The following EIF4G3 variants were observed in gnomAD, a reference collection of about 807,000 sequenced individuals.
EIF4G3 encodes the protein eIF-4-gamma 3.
Under a neutral mutation model 186.4 loss-of-function variants are expected in EIF4G3, and 34 were observed. The observed-to-expected ratio is 0.18, with a 90% confidence interval of 0.14 to 0.24. EIF4G3 has a LOEUF of 0.24. EIF4G3 is among the 10% of genes least tolerant of loss of function. The probability of loss-of-function intolerance (pLI) is 1.00; values close to 1 mark genes in which losing one functional copy is unlikely to be tolerated. For missense variants in EIF4G3, 1,536 were observed against 1,948.5 expected, an observed-to-expected ratio of 0.79 and a Z score of 3.99; for synonymous variants, 673 against 679.5, an observed-to-expected ratio of 0.99 and a Z score of 0.15.
chr1:20,879,879 C>T (rs1159609630), intron 19 of EIF4G3, among the ~76,000 whole-genome samples: 1 of 151,720 alleles, frequency 6.6e-6, no homozygotes, highest in African/African-American at 2.4e-5. Flanking sequence ...TTTAGAGATA[C>T]GTAAAAATAC....
chr1:20,837,153 G>C (rs1030603942), intron 30 of EIF4G3, among the ~76,000 whole-genome samples: 4 of 152,156 alleles, frequency 2.6e-5, no homozygotes, highest in African/African-American at 9.7e-5. Flanking sequence ...AGAGCTATAG[G>C]GAGAAATGGC....
intron 2 of EIF4G3, among the ~76,000 whole-genome samples, chr1:21,119,835 C>G (rs560692484): frequency 3.3e-5 from 5 of 152,216 alleles, no homozygotes; most frequent in African/African-American, 1.2e-4. Context: ...TAACCACTAT[C>G]AAGTTTCTTA....
rs532367836 is a variant in EIF4G3, at chr1:21,119,338, T to C, written c.-271-30125A>G. ...AAATAAAAGGGGAAAAAAAAAAGAC[T>C]TGAGAAATAAAGTAACCTATTGAAG... On this transcript the variant is annotated intron_variant, in intron 2 of 36. Coordinates refer to ENST00000602326, the MANE Select transcript of EIF4G3 (RefSeq NM_001391906.1). Among the ~76,000 whole-genome samples the C allele has an allele frequency of 2.6e-5, 4 of 152,124 alleles. No individual in the cohort carries two copies. The South Asian group carries it at 6.2e-4, about 24-fold the overall frequency.
At chr1:20,921,943 G>A (rs2094516750) in intron 14 of EIF4G3, among the ~76,000 whole-genome samples, 1 of 152,146 alleles carries the variant, frequency 6.6e-6, no homozygotes, top group Admixed American at 6.5e-5. Flanking sequence ...CTGCTTAGGT[G>A]ATGGAATTTG....
intron 2 of EIF4G3, among the ~76,000 whole-genome samples, chr1:21,155,650 C>T (rs2097647056): frequency 6.6e-6 from 1 of 151,630 alleles, no homozygotes; most frequent in Non-Finnish European, 1.5e-5. Context: ...TGAGCTATGA[C>T]AGCGCCACTG....
chr1:20,955,799 T>C (rs2096396625), intron 12 of EIF4G3, among the ~76,000 whole-genome samples: 1 of 152,086 alleles, frequency 6.6e-6, no homozygotes, highest in African/African-American at 2.4e-5. Context: ...TTCTGGTTTC[T>C]GAGATAGGGG....
At chr1:21,107,100 A>T (rs960080725) in intron 2 of EIF4G3, among the ~76,000 whole-genome samples, 2 of 152,216 alleles carry the variant, frequency 1.3e-5, no homozygotes, top group Admixed American at 6.5e-5. Context: ...CAGAGCATCT[A>T]ACACTGTCTG....
chr1:20,935,531 T>C (rs1007520885), intron 14 of EIF4G3, among the ~76,000 whole-genome samples: 1 of 152,246 alleles, frequency 6.6e-6, no homozygotes, highest in African/African-American at 2.4e-5. Context: ...TATTTTGGCA[T>C]ACTTGTGCTT....
intron 4 of EIF4G3, among the ~76,000 whole-genome samples, chr1:21,047,362 C>T (rs1306846672): frequency 2.0e-5 from 3 of 152,200 alleles, no homozygotes; most frequent in Non-Finnish European, 2.9e-5. Context: ...CACATCAAGA[C>T]AGACTTTTCA....
intron 15 of EIF4G3, among the ~76,000 whole-genome samples, chr1:20,903,967 A>T (rs1249448871): frequency 6.6e-6 from 1 of 152,234 alleles, no homozygotes; most frequent in Non-Finnish European, 1.5e-5. Context: ...ATTGCTCTTC[A>T]TTTATAAGCT....
chr1:20,815,632 C>A (rs2060453308), intron 34 of EIF4G3, among the ~76,000 whole-genome samples: 2 of 149,304 alleles, frequency 1.3e-5, no homozygotes, highest in South Asian at 4.3e-4. Flanking sequence ...CGGCAGCCAC[C>A]CCGTCCGGGA....
At chr1:21,026,062 T>G (rs2092036035) in intron 4 of EIF4G3, among the ~76,000 whole-genome samples, 1 of 152,200 alleles carries the variant, frequency 6.6e-6, no homozygotes, top group African/African-American at 2.4e-5. Flanking sequence ...ATCCTGATAT[T>G]CATATGTATT....
At chr1:20,953,229 C>T (rs1030249276) in intron 12 of EIF4G3, among the ~76,000 whole-genome samples, 2 of 152,154 alleles carry the variant, frequency 1.3e-5, no homozygotes, top group African/African-American at 2.4e-5. Flanking sequence ...AGCAAGTCTT[C>T]GCACACTGTT....
At chr1:20,955,141 AC>A in intron 12 of EIF4G3, among the ~76,000 whole-genome samples, 1 of 152,216 alleles carries the variant, frequency 6.6e-6, no homozygotes, top group East Asian at 1.9e-4. Flanking sequence ...TACAGGCCAG[AC>A]CAAGGGTTTT....
chr1:20,958,500 C>T (rs913246810), intron 12 of EIF4G3, among the ~76,000 whole-genome samples: 11 of 152,130 alleles, frequency 7.2e-5, no homozygotes, highest in Admixed American at 5.9e-4. Flanking sequence ...GACAAGGATG[C>T]CTACATTTCA....
In EIF4G3 at chr1:20,946,621, G is replaced by C. The variant is rs115539175; in HGVS notation, c.823+3382C>G. 4.2e-3 allele frequency among the ~76,000 whole-genome samples: 643 copies of C among 152,198 alleles called. 4 individuals are homozygous for C. The highest frequency in any genetic ancestry group is 7.0e-3 in the Non-Finnish European group (477 of 68,022). On this transcript the variant is annotated intron_variant, in intron 13 of 36. Coordinates refer to ENST00000602326, the MANE Select transcript of EIF4G3 (RefSeq NM_001391906.1). Reference sequence around the variant, plus strand: ...AGCACTTATTATGTGCCAGGAACTGGGTCAAATACCATACATACATTGTCC... The same window carrying C: ...AGCACTTATTATGTGCCAGGAACTGCGTCAAATACCATACATACATTGTCC...
chr1:21,083,021 C>A, intron 3 of EIF4G3, among the ~76,000 whole-genome samples: 1 of 118,084 alleles, frequency 8.5e-6, no homozygotes, highest in African/African-American at 3.6e-5. Flanking sequence ...CTGGGAGACA[C>A]AGCGAGACTC....
At chr1:21,015,383 A>G (rs1378329809) in intron 4 of EIF4G3, among the ~76,000 whole-genome samples, 1 of 152,146 alleles carries the variant, frequency 6.6e-6, no homozygotes, top group East Asian at 1.9e-4. Flanking sequence ...AACTTCCCAC[A>G]TTTGAAGACA....
At chr1:20,943,335 C>T (rs1250412929) in intron 13 of EIF4G3, among the ~76,000 whole-genome samples, 1 of 152,050 alleles carries the variant, frequency 6.6e-6, no homozygotes, top group Non-Finnish European at 1.5e-5. Flanking sequence ...TACAAAAATG[C>T]ATCTGTGTAT....
Sources: allele counts gnomAD v4.1 joint callset (sites outside exome capture counted in the v4.1 genomes callset), GRCh38; gene constraint gnomAD v4.1.1; transcripts MANE v1.5; gene names NCBI Gene and HGNC (gene_info 2026-07-23, HGNC 2026-07-21).